The following NSUN6 variants were observed in gnomAD, a reference collection of about 807,000 sequenced individuals.
The protein encoded by NSUN6 is NOP2/Sun RNA methyltransferase 6.
A neutral mutation model predicts 58.0 loss-of-function variants in NSUN6; 64 were observed. That is an observed-to-expected ratio of 1.10 (90% CI 0.90 to 1.36). The LOEUF is 1.36. Ranked by LOEUF, NSUN6 falls within the 40% of genes most tolerant of loss-of-function variation. The pLI, the probability that NSUN6 is intolerant of heterozygous loss-of-function variation, is 0.00. For missense variants in NSUN6, 701 were observed against 550.1 expected (o/e 1.27, Z -2.74); for synonymous variants, 231 against 193.9 (o/e 1.19, Z -1.59).
chr10:18,556,704 G>T (rs2055052569), intron 8 of NSUN6, among the ~76,000 whole-genome samples: 1 of 150,830 alleles, frequency 6.6e-6, no homozygotes, highest in African/African-American at 2.4e-5. Context: ...AATGGAAAGG[G>T]GAAGGGAATG....
chr10:18,552,021 C>T lies in NSUN6; in HGVS notation c.923-50G>A, dbSNP rs370446377. 6 of 1,101,736 alleles carry T rather than the reference C, an allele frequency of 5.4e-6. No homozygotes were observed. In the African/African-American group the frequency reaches 9.5e-5, roughly 17 times the overall value. The allele number at this position is 1,101,736 out of a possible 1,614,324, so 68.2% of individuals were successfully genotyped here. On this transcript the variant is annotated intron_variant, in intron 8 of 10. Transcript: ENST00000377304. ...TTACTATCTTCCATATAGGTTTAAACTAGAAAACTCCTGAGATGAGCAGGA... is the reference window on the plus strand; with the variant it reads ...TTACTATCTTCCATATAGGTTTAAATTAGAAAACTCCTGAGATGAGCAGGA...
chr10:18,632,015 C>T (rs1250589757), intron 3 of NSUN6, among the ~76,000 whole-genome samples: 3 of 151,602 alleles, frequency 2.0e-5, no homozygotes, highest in Non-Finnish European at 4.4e-5. Flanking sequence ...TACTACAAGG[C>T]TACAGTAACC....
chr10:18,653,327 A>G (rs2059740964), upstream of NSUN6: 1 of 983,062 alleles, frequency 1.0e-6, no homozygotes, highest in Non-Finnish European at 1.2e-6. Context: ...CATTTGCCAG[A>G]AATTACTTCA....
upstream of NSUN6, chr10:18,651,644 A>ACGTC (rs1211451838): frequency 2.6e-5 from 26 of 986,008 alleles, no homozygotes; most frequent in Non-Finnish European, 3.1e-5. Flanking sequence ...GGCTTACGTC[A>ACGTC]CGTCCGGCGC....
chr10:18,653,241 CAAAT>C, upstream of NSUN6: 2 of 984,216 alleles, frequency 2.0e-6, no homozygotes, highest in Non-Finnish European at 2.4e-6. Context: ...AATGGGCACT[CAAAT>C]ACTTACTGAA....
intron 3 of NSUN6, among the ~76,000 whole-genome samples, chr10:18,638,992 C>G (rs560067415): frequency 3.8e-4 from 55 of 146,468 alleles, no homozygotes; most frequent in African/African-American, 1.0e-3. Context: ...TGGTGGCTGG[C>G]ACTTGTAATC....
intron 8 of NSUN6, among the ~76,000 whole-genome samples, chr10:18,567,997 T>C (rs2056091714): frequency 6.6e-6 from 1 of 151,094 alleles, no homozygotes; most frequent in African/African-American, 2.4e-5. Context: ...CATTCTCCAT[T>C]CCTTTCTATT....
At chr10:18,655,553 C>G (rs935502273), upstream of NSUN6, among the ~76,000 whole-genome samples, 2 of 152,136 alleles carry the variant, frequency 1.3e-5, no homozygotes, top group Non-Finnish European at 2.9e-5. Flanking sequence ...GACCTAAATT[C>G]TGACATGTCA....
intron 8 of NSUN6, among the ~76,000 whole-genome samples, chr10:18,559,380 A>G (rs1349457929): frequency 6.6e-6 from 1 of 150,830 alleles, no homozygotes; most frequent in Non-Finnish European, 1.5e-5. Context: ...AATGGAAGGG[A>G]GAATATAATG....
At chr10:18,653,907 C>G (rs762039183), upstream of NSUN6, among the ~76,000 whole-genome samples, 4 of 152,208 alleles carry the variant, frequency 2.6e-5, no homozygotes, top group South Asian at 8.3e-4. Context: ...GTGGGGAACT[C>G]AGGGAGGACT....
upstream of NSUN6, chr10:18,652,654 G>A (rs1590213222): frequency 2.6e-6 from 2 of 768,104 alleles, no homozygotes; most frequent in African/African-American, 3.9e-5. Context: ...TCCACCTCCT[G>A]GTTCAAGAGA....
chr10:18,585,776 T>C (rs930947864), intron 8 of NSUN6, among the ~76,000 whole-genome samples, 173 bp downstream of exon 8: 1 of 125,932 alleles, frequency 7.9e-6, no homozygotes. Context: ...TCAAAGCTGC[T>C]ATGAGAGTAA....
Position 18,648,554 on chromosome 10 carries a change from C to CT in NSUN6, c.166dup (p.Arg56LysfsTer18). On this transcript the variant is annotated frameshift_variant, in exon 2 of 11. Transcript: ENST00000377304. LOFTEE classifies it high-confidence loss of function. ...TACTGAGGCTAAATGTGTATTCACT[C>CT]TGACAGTTGTAAATGATGGAGGATG... 6.2e-7 allele frequency: 1 copy of CT among 1,606,984 alleles called. No homozygotes were observed. Among genetic ancestry groups the CT allele is most frequent in the Non-Finnish European group, 8.5e-7 (1 of 1,173,692 alleles).
chr10:18,572,117 C>T lies in NSUN6; in HGVS notation c.922+13832G>A, dbSNP rs187833803. ...TCTCCATTTCATTTCACTCTCCCTT[C>T]CAGTTCAATCTCCATTCCCTTCCAT... On this transcript the variant is annotated intron_variant, in intron 8 of 10. Transcript: ENST00000377304. 1.6e-3 allele frequency among the ~76,000 whole-genome samples: 247 copies of T among 151,642 alleles called. 2 individuals are homozygous for T. Among genetic ancestry groups the T allele is most frequent in the African/African-American group, 5.7e-3 (237 of 41,410 alleles).
chr10:18,567,885 C>T (rs1044136694), intron 8 of NSUN6, among the ~76,000 whole-genome samples: 6 of 150,702 alleles, frequency 4.0e-5, no homozygotes, highest in Non-Finnish European at 8.9e-5. Flanking sequence ...TACCATCCTC[C>T]ATTCCATTCT....
In NSUN6 at chr10:18,562,452, G is replaced by A. The variant is rs138516697; in HGVS notation, c.923-10481C>T. Among the ~76,000 whole-genome samples the A allele has an allele frequency of 2.8e-3, 408 of 143,974 alleles. 2 individuals are homozygous for A. The highest frequency in any genetic ancestry group is 4.5e-3 in the Non-Finnish European group (292 of 65,484). 94.5% of individuals were successfully genotyped at this position (143,974 alleles called of 152,430 possible). On this transcript the variant is annotated intron_variant, in intron 8 of 10. Transcript: ENST00000377304. ...TGGAATGCGGAATGGAATGGAATGC[G>A]GAATGGAATGGATTGCAGAATGGAA...
chr10:18,552,327 A>C (rs1356423144), intron 8 of NSUN6, among the ~76,000 whole-genome samples: 1 of 152,100 alleles, frequency 6.6e-6, no homozygotes, highest in Non-Finnish European at 1.5e-5. Flanking sequence ...GGTAATTCCT[A>C]TTGAAGACAG....
At chr10:18,658,478 T>C (rs2059802478), upstream of NSUN6, 1 of 159,812 alleles carries the variant, frequency 6.3e-6, no homozygotes, top group Admixed American at 6.6e-5. Flanking sequence ...CTGTGAAGCT[T>C]TTCTTTTCAA....
intron 3 of NSUN6, among the ~76,000 whole-genome samples, chr10:18,619,578 C>G (rs2058528710): frequency 2.0e-5 from 3 of 152,200 alleles, no homozygotes. Flanking sequence ...AATATATCAA[C>G]TACATTTTTA....
Sources: allele counts gnomAD v4.1 joint callset (sites outside exome capture counted in the v4.1 genomes callset), GRCh38; gene constraint gnomAD v4.1.1; transcripts MANE v1.5; gene names NCBI Gene and HGNC (gene_info 2026-07-23, HGNC 2026-07-21).